Variants in PTPN14 observed in about 807,000 individuals in gnomAD.
PTPN14 encodes the protein protein tyrosine phosphatase non-receptor type 14, also known as tyrosine-protein phosphatase non-receptor type 14.
PTPN14 carries 53 observed loss-of-function variants against 126.8 expected under a neutral mutation model. The observed-to-expected ratio is 0.42, with a 90% confidence interval of 0.34 to 0.53. PTPN14 has a LOEUF of 0.53. Among genes scored for constraint, PTPN14 ranks in the 20% least tolerant of loss-of-function variants. The pLI is 0.08. For missense variants in PTPN14, 1,257 were observed against 1,552.9 expected (o/e 0.81, Z 3.20); for synonymous variants, 630 against 599.3 (o/e 1.05, Z -0.75).
intron 1 of PTPN14, among the ~76,000 whole-genome samples, chr1:214,519,495 T>C (rs1655190005): frequency 6.6e-6 from 1 of 152,156 alleles, no homozygotes; most frequent in African/African-American, 2.4e-5. Context: ...CTGAAGTAAC[T>C]TCCTAATATA....
intron 8 of PTPN14, among the ~76,000 whole-genome samples, chr1:214,395,317 A>G (rs1658852340): frequency 6.6e-6 from 1 of 152,010 alleles, no homozygotes; most frequent in South Asian, 2.1e-4. Context: ...TCCCATGACC[A>G]CCACTTTTTA....
intron 14 of PTPN14, 63 bp downstream of exon 14, chr1:214,377,896 G>A (rs1658379108): frequency 6.5e-7 from 1 of 1,546,978 alleles, no homozygotes. Flanking sequence ...ATTCGGGCAA[G>A]GAGGGTGTTT....
intron 1 of PTPN14, among the ~76,000 whole-genome samples, chr1:214,499,380 C>CATAT (rs58699544): frequency 1.3e-5 from 2 of 149,756 alleles, no homozygotes; most frequent in Admixed American, 1.3e-4. Context: ...AGAGGGTAGG[C>CATAT]ATATATATAT....
At chr1:214,514,243 C>A (rs928143314) in intron 1 of PTPN14, among the ~76,000 whole-genome samples, 9 of 152,096 alleles carry the variant, frequency 5.9e-5, no homozygotes, top group Non-Finnish European at 1.0e-4. Flanking sequence ...GGATAAAACA[C>A]CCTATTTTAA....
At chr1:214,508,622 T>C (rs1376040930) in intron 1 of PTPN14, among the ~76,000 whole-genome samples, 2 of 152,160 alleles carry the variant, frequency 1.3e-5, no homozygotes, top group South Asian at 2.1e-4. Context: ...TTTAACCTCC[T>C]CTCGTGAATT....
intron 3 of PTPN14, among the ~76,000 whole-genome samples, chr1:214,442,896 TCAC>T (rs1660066634): frequency 6.6e-6 from 1 of 151,774 alleles, no homozygotes; most frequent in African/African-American, 2.4e-5. Context: ...CGATCTCCGC[TCAC>T]CACAACCTCT....
intron 18 of PTPN14, among the ~76,000 whole-genome samples, chr1:214,359,892 CGAT>C (rs959612178): frequency 2.0e-5 from 3 of 152,134 alleles, no homozygotes; most frequent in Admixed American, 6.5e-5. Flanking sequence ...AGAATATATA[CGAT>C]GATATATACT....
chr1:214,369,612 T>C lies in PTPN14; in HGVS notation c.3116A>G (p.Lys1039Arg). The C allele has an allele frequency of 6.2e-7, 1 of 1,614,212 alleles. No homozygotes were observed. Among genetic ancestry groups the C allele is most frequent in the South Asian group, 1.1e-5 (1 of 91,084 alleles). The part of the protein sequence containing the change: ...KHSSATYGKF[K>R]VTTKFRTDSV... ...ATCCGTTCGAAACTTCGTGGTGACCTTGAACTTGCCATAGGTGGCTGAGCT... is the reference window on the plus strand; with the variant it reads ...ATCCGTTCGAAACTTCGTGGTGACCCTGAACTTGCCATAGGTGGCTGAGCT... Residue 1039 changes from lysine (K) to arginine (R), a missense_variant, in exon 17 of 19, where the codon AAG (lysine) becomes AGG (arginine). Physicochemically the swap from Lys to Arg is conservative, Grantham distance 26 (BLOSUM62 2). Transcript: ENST00000366956.
intron 1 of PTPN14, among the ~76,000 whole-genome samples, chr1:214,471,077 CT>C (rs528664184): frequency 0.098 from 13,677 of 139,646 alleles, 643 homozygotes; most frequent in South Asian, 0.14. Flanking sequence ...CCCCCTAAAT[CT>C]TTTTTTTTTT....
At chr1:214,410,972 T>C (rs189462800) in intron 5 of PTPN14, among the ~76,000 whole-genome samples, 16 of 152,356 alleles carry the variant, frequency 1.1e-4, no homozygotes, top group African/African-American at 3.8e-4. Context: ...AGGATTGTTT[T>C]CTATTTCCAT....
chr1:214,441,812 G>A (rs779726714), intron 3 of PTPN14, among the ~76,000 whole-genome samples: 3 of 152,054 alleles, frequency 2.0e-5, no homozygotes, highest in Non-Finnish European at 4.4e-5. Flanking sequence ...TGGCATCATC[G>A]TATTCTACTC....
At chr1:214,415,024 G>A (rs551456132) in intron 3 of PTPN14, among the ~76,000 whole-genome samples, 3 of 152,232 alleles carry the variant, frequency 2.0e-5, no homozygotes, top group Middle Eastern at 3.4e-3. Flanking sequence ...AACAGAATCC[G>A]AGAATGAAAA....
At chr1:214,402,987 G>C (rs1659071098) in intron 5 of PTPN14, 34 bp from the exon 6 acceptor site, 1 of 1,600,772 alleles carries the variant, frequency 6.2e-7, no homozygotes, top group South Asian at 1.1e-5. Flanking sequence ...GGTCACATGA[G>C]GGTGTGGGCA....
chr1:214,458,056 TAGAG>T (rs1251547360), intron 2 of PTPN14, among the ~76,000 whole-genome samples: 10 of 145,100 alleles, frequency 6.9e-5, no homozygotes, highest in South Asian at 2.1e-4. Context: ...GAGAGAGAGA[TAGAG>T]AGAGAGAGAC....
At chr1:214,536,947 A>G (rs1030259353) in intron 1 of PTPN14, among the ~76,000 whole-genome samples, 32 of 152,224 alleles carry the variant, frequency 2.1e-4, no homozygotes, top group African/African-American at 7.7e-4. Context: ...AGTTTATACC[A>G]ATTTTTTAAA....
chr1:214,466,068 T>C (rs919411540), intron 1 of PTPN14, among the ~76,000 whole-genome samples: 1 of 148,280 alleles, frequency 6.7e-6, no homozygotes, highest in African/African-American at 2.5e-5. Context: ...GAGATTCTCC[T>C]GCCTCAGCTT....
chr1:214,532,732 C>T (rs1205969702), intron 1 of PTPN14: 9 of 786,434 alleles, frequency 1.1e-5, no homozygotes, highest in Non-Finnish European at 1.8e-5. Flanking sequence ...GCATTACGGG[C>T]TCTGCAAGGT....
At position 214,451,871 on chromosome 1, in the gene PTPN14, G is replaced by A. The variant is rs769874591; in HGVS notation, c.278C>T (p.Pro93Leu). The A allele has an allele frequency of 1.2e-6, 2 of 1,614,190 alleles. No homozygotes were observed. Among genetic ancestry groups the A allele is most frequent in the East Asian group, 4.5e-5 (2 of 44,884 alleles). The change falls in exon 3 of 19, where the codon CCT (proline) becomes CTT (leucine). Residue 93 changes from proline (P) to leucine (L), a missense_variant. Pro to Leu is a moderately conservative substitution (Grantham distance 98, BLOSUM62 -3). Around this residue, in one of 3 missense-constraint regions of PTPN14, gnomAD observed 1,021 missense variants for 1,183.3 expected, o/e 0.86. Coordinates refer to ENST00000366956, the MANE Select transcript of PTPN14 (RefSeq NM_005401.5). ...GAACATGACTCCAAAGAAAAGCAAA[G>A]GCTCATTAGCGAATTTGTCCAGATG... is the stretch of plus-strand genomic sequence containing the variant. Reference protein sequence around the residue: ...KKHLDKFANEPLLFFGVMFYV... With the variant: ...KKHLDKFANELLLFFGVMFYV...
At chr1:214,507,758 C>A (rs1298756647) in intron 1 of PTPN14, among the ~76,000 whole-genome samples, 1 of 152,164 alleles carries the variant, frequency 6.6e-6, no homozygotes, top group Non-Finnish European at 1.5e-5. Context: ...TTTCCCAGTG[C>A]ATATAAAAGT....
Sources: gnomAD v4.1 joint callset for allele counts (sites outside exome capture counted in the v4.1 genomes callset) on GRCh38, gnomAD v4.1.1 for gene constraint, gnomAD v4.1.1 regional missense constraint, MANE v1.5 for transcripts, NCBI Gene and HGNC (gene_info 2026-07-23, HGNC 2026-07-21) for gene names.